Variants in CPNE2 observed in about 807,000 individuals in gnomAD.
CPNE2 encodes copine-2.
CPNE2 carries 42 observed loss-of-function variants against 69.7 expected under a neutral mutation model. The ratio of observed to expected loss-of-function variants is 0.60; its 90% CI spans 0.47 to 0.78. The LOEUF (loss-of-function observed/expected upper bound fraction) is 0.78. Among genes scored for constraint, CPNE2 ranks in the 30% least tolerant of loss-of-function variants. The pLI is 0.00. For missense variants in CPNE2, 587 were observed against 732.0 expected (o/e 0.80, Z 2.29); for synonymous variants, 294 against 289.8 (o/e 1.01, Z -0.15).
intron 13 of CPNE2, among the ~76,000 whole-genome samples, chr16:57,135,370 G>C (rs1248964617): frequency 6.6e-6 from 1 of 152,168 alleles, no homozygotes; most frequent in African/African-American, 2.4e-5. Context: ...CCTAGGGACA[G>C]TTAAGAAACT....
Position 57,119,562 on chromosome 16 carries a change from T to A in CPNE2, c.593T>A (p.Val198Glu). 6.2e-7 allele frequency: 1 copy of A among 1,611,664 alleles called. No homozygotes were observed. Among genetic ancestry groups the A allele is most frequent in the South Asian group, 1.1e-5 (1 of 90,526 alleles). The change falls in exon 7 of 16, where the codon GTG (valine) becomes GAG (glutamate). Residue 198 changes from valine to glutamate, a missense_variant and splice_region_variant. Val to Glu is a moderately radical substitution (Grantham distance 121). Coordinates refer to ENST00000290776, the MANE Select transcript of CPNE2 (RefSeq NM_152727.6). ...GKWMLVHRTE[V>E]IKYTLDPVWK... ...ACAGCATCCCTCTCTGTCCCACAGG[T>A]GATCAAGTACACACTGGACCCTGTG... is the stretch of plus-strand genomic sequence containing the variant.
rs779672451 is a variant in CPNE2 at position 57,121,673 on chromosome 16, G to C, written c.781-1G>C. On this transcript the variant is annotated splice_acceptor_variant, in intron 8 of 15. Coordinates refer to ENST00000290776, the MANE Select transcript of CPNE2 (RefSeq NM_152727.6). LOFTEE classifies it high-confidence loss of function. ...GTGTCTCTTTCTTTTGCGTTGCCCA[G>C]CTGGAGTTCGAGTGCATCAACCCCA... is the stretch of plus-strand genomic sequence containing the variant. 1 of 1,614,058 alleles carries C rather than the reference G, an allele frequency of 6.2e-7. No homozygotes were observed. The highest frequency in any genetic ancestry group is 1.3e-5 in the African/African-American group (1 of 75,022).
intron 3 of CPNE2, 71 bp from the exon 4 acceptor site, chr16:57,115,405 C>G: frequency 7.9e-7 from 1 of 1,260,290 alleles, no homozygotes; most frequent in East Asian, 2.4e-5. Flanking sequence ...TTTCCGGTGC[C>G]GGTGGAGGAT....
At position 57,121,119 on chromosome 16, in the gene CPNE2, C is replaced by G; in HGVS notation, c.708C>G (p.Asp236Glu). Reference protein sequence around the residue: ...IQVMCYDYDNDGGHDFIGEFQ... With the variant: ...IQVMCYDYDNEGGHDFIGEFQ... ...TCATGTGCTACGACTATGACAATGACGGGGGCCATGACTTCATCGGCGAGT... is the reference window on the plus strand; with the variant it reads ...TCATGTGCTACGACTATGACAATGAGGGGGGCCATGACTTCATCGGCGAGT... The change falls in exon 8 of 16, where the codon GAC becomes GAG. Residue 236 changes from aspartate (D) to glutamate (E), a missense_variant. By Grantham distance (45) the Asp-to-Glu change is conservative. Transcript: ENST00000290776. The G allele has an allele frequency of 6.2e-7, 1 of 1,613,828 alleles. No homozygotes were observed. The highest frequency in any genetic ancestry group is 8.5e-7 in the Non-Finnish European group (1 of 1,179,882).
chr16:57,104,810 CT>C (rs1484278200), intron 1 of CPNE2, among the ~76,000 whole-genome samples: 4 of 152,204 alleles, frequency 2.6e-5, no homozygotes. Flanking sequence ...CAAGTAAGAC[CT>C]TTCCTGTGAA....
intron 1 of CPNE2, among the ~76,000 whole-genome samples, chr16:57,095,484 AT>A (rs1355917276): frequency 2.6e-5 from 4 of 151,772 alleles, no homozygotes; most frequent in Non-Finnish European, 1.5e-5. Flanking sequence ...TTATTTATTT[AT>A]TTTTTGAGAC....
intron 12 of CPNE2, among the ~76,000 whole-genome samples, chr16:57,132,744 G>C (rs1473786134): frequency 2.0e-5 from 3 of 152,170 alleles, no homozygotes; most frequent in Non-Finnish European, 4.4e-5. Flanking sequence ...GCCACTCCTG[G>C]TAGCATGGAC....
intron 1 of CPNE2, among the ~76,000 whole-genome samples, chr16:57,101,991 G>A (rs1194640566): frequency 4.0e-5 from 6 of 150,302 alleles, no homozygotes; most frequent in Admixed American, 6.6e-5. Flanking sequence ...CTGTTGCCCA[G>A]CCTGGAGTGC....
chr16:57,145,980 C>A, intron 14 of CPNE2, 105 bp from the exon 15 acceptor site: 2 of 942,370 alleles, frequency 2.1e-6, no homozygotes, highest in East Asian at 2.6e-5. Flanking sequence ...GGGTAAGATG[C>A]ACTGCCTTCC....
In CPNE2 at chr16:57,124,868, G is replaced by A. The variant is rs564063733; in HGVS notation, c.928-992G>A. 3.0e-5 allele frequency: 7 copies of A among 232,994 alleles called. No homozygotes were observed. In the East Asian group the frequency reaches 7.3e-4, roughly 24 times the overall value. 14.4% of individuals were successfully genotyped at this position (232,994 alleles called of 1,614,324 possible). On this transcript the variant is annotated intron_variant, in intron 10 of 15. Transcript: ENST00000290776. ...TGCCCCCTCCCCTGCACAGAGGCCA[G>A]GCCCTCCTGTTCCTCCTGCACGAGT...
At chr16:57,119,099 T>C in intron 5 of CPNE2, 96 bp from the exon 6 acceptor site, 1 of 1,112,902 alleles carries the variant, frequency 9.0e-7, no homozygotes, top group Non-Finnish European at 1.3e-6. Context: ...GCTCCTATCC[T>C]GACACCCGGC....
intron 12 of CPNE2, among the ~76,000 whole-genome samples, 190 bp downstream of exon 12, chr16:57,128,093 G>A (rs1313308391): frequency 3.3e-5 from 5 of 152,326 alleles, no homozygotes; most frequent in African/African-American, 4.8e-5. Flanking sequence ...GGGGCAGCAC[G>A]TTATGTTCTC....
intron 1 of CPNE2, among the ~76,000 whole-genome samples, chr16:57,100,024 C>T (rs7198436): frequency 0.066 from 9,971 of 152,114 alleles, 523 homozygotes; most frequent in East Asian, 0.13. Context: ...CCACCTGCCT[C>T]GGCCTCTCAA....
intron 1 of CPNE2, among the ~76,000 whole-genome samples, chr16:57,105,307 G>T (rs754262493): frequency 3.9e-5 from 6 of 152,210 alleles, no homozygotes; most frequent in Non-Finnish European, 7.3e-5. Context: ...TAGTTTTCTG[G>T]CTAAAACCGT....
intron 12 of CPNE2, among the ~76,000 whole-genome samples, chr16:57,132,931 G>C (rs903445789): frequency 3.9e-5 from 6 of 152,130 alleles, no homozygotes; most frequent in African/African-American, 7.2e-5. Context: ...AAATAAAGAG[G>C]GGGGAAGAGT....
rs1445255672 is a variant in CPNE2 at position 57,115,532 on chromosome 16, G to C, written c.417G>C (p.Ala139=). The part of the protein sequence containing the change: ...RPLLLLNDKP[A]GKGLITIAAQ... ...TGCTGCTGCTGAATGACAAGCCTGCGGGGAAGGGCTTGATTACGGTACCAG... is the reference window on the plus strand; with the variant it reads ...TGCTGCTGCTGAATGACAAGCCTGCCGGGAAGGGCTTGATTACGGTACCAG... The change falls in exon 4 of 16, where the codon GCG becomes GCC. Residue 139 remains alanine, a synonymous_variant. Coordinates refer to ENST00000290776, the MANE Select transcript of CPNE2 (RefSeq NM_152727.6). The C allele has an allele frequency of 6.2e-7, 1 of 1,611,942 alleles. No individual in the cohort carries two copies. Among genetic ancestry groups the C allele is most frequent in the Non-Finnish European group, 8.5e-7 (1 of 1,178,898 alleles).
rs1373365336 is a variant in CPNE2 at position 57,130,439 on chromosome 16, G to A, written c.1116+2536G>A. ...GAGCCAGGCAGATGAAGCGGAGACT[G>A]AGCCCGGGGGCAGAGCAGGGAGGAA... On this transcript the variant is annotated intron_variant, in intron 12 of 15. Transcript: ENST00000290776. This position sits in a 1 kb window ranked among gnomAD's most constrained non-coding sequence, Gnocchi z 4.1. Among the ~76,000 whole-genome samples, 2 of 152,078 alleles carry A rather than the reference G, an allele frequency of 1.3e-5. No individual in the cohort carries two copies. Among genetic ancestry groups the A allele is most frequent in the African/African-American group, 4.8e-5 (2 of 41,394 alleles).
rs189673490 is a variant in CPNE2, at chr16:57,128,341, T to C, written c.1116+438T>C. Among the ~76,000 whole-genome samples the C allele has an allele frequency of 2.6e-5, 4 of 152,282 alleles. No individual in the cohort carries two copies. In the East Asian group the frequency reaches 7.7e-4, roughly 29 times the overall value. On this transcript the variant is annotated intron_variant, in intron 12 of 15. Coordinates refer to ENST00000290776, the MANE Select transcript of CPNE2 (RefSeq NM_152727.6). ...GCCTCCCAGGTTCAAACAATTCTCCTGCCTCAGCCTCCCGAGTAGCTGGGA... is the reference window on the plus strand; with the variant it reads ...GCCTCCCAGGTTCAAACAATTCTCCCGCCTCAGCCTCCCGAGTAGCTGGGA...
Position 57,121,316 on chromosome 16 carries a change from A to G in CPNE2, c.780+125A>G, listed in dbSNP as rs933805895. 1.5e-4 allele frequency: 114 copies of G among 739,570 alleles called. 1 individual carries two copies. The South Asian group carries it at 2.0e-3, about 13-fold the overall frequency. 45.8% of individuals were successfully genotyped at this position (739,570 alleles called of 1,614,324 possible). ...CTGGCTGCATGACCTTGAGCAAGGC[A>G]TTCAATCTAAGACTCAGTTTCTCCA... On this transcript the variant is annotated intron_variant, in intron 8 of 15. Transcript: ENST00000290776.
Sources: allele counts gnomAD v4.1 joint callset (sites outside exome capture counted in the v4.1 genomes callset), GRCh38; gene constraint gnomAD v4.1.1; non-coding constraint Gnocchi (gnomAD v3.1); transcripts MANE v1.5; gene names NCBI Gene and HGNC (gene_info 2026-07-23, HGNC 2026-07-21).